ARHGAP22: variants seen among roughly 807,000 people sequenced by gnomAD.
ARHGAP22 encodes Rho GTPase activating protein 22.
In ARHGAP22, 48 loss-of-function variants were observed where a neutral mutation model predicts 59.1. The observed-to-expected ratio is 0.81, with a 90% CI of 0.64 to 1.03. The LOEUF (loss-of-function observed/expected upper bound fraction) is 1.03. Among genes scored for constraint, ARHGAP22 ranks in the 50% least tolerant of loss-of-function variants. The probability of loss-of-function intolerance (pLI) is 0.00; values close to 1 mark genes in which losing one functional copy is unlikely to be tolerated. For missense variants in ARHGAP22, 1,015 were observed against 958.7 expected, an observed-to-expected ratio of 1.06 and a Z score of -0.78; for synonymous variants, 445 against 416.4, an observed-to-expected ratio of 1.07 and a Z score of -0.84.
intron 1 of ARHGAP22, among the ~76,000 whole-genome samples, chr10:48,652,078 T>C (rs2062590885): frequency 2.0e-5 from 3 of 152,130 alleles, no homozygotes; most frequent in African/African-American, 7.2e-5. Flanking sequence ...CCATCAGCCA[T>C]TTCCAGGAGC....
intron 3 of ARHGAP22, among the ~76,000 whole-genome samples, chr10:48,494,368 T>G (rs1335148634): frequency 1.3e-5 from 2 of 152,044 alleles, no homozygotes; most frequent in African/African-American, 4.8e-5. Flanking sequence ...TGGTCTCCTC[T>G]CCTCCAGCAG....
the ARHGAP22 span, chr10:48,435,779 A>G: frequency 3.9e-5 from 6 of 152,246 alleles, no homozygotes; most frequent in African/African-American, 1.2e-4. Context: ...GGTGTATTCT[A>G]CAAATTTGTG....
At chr10:48,641,811 G>C (rs1728754667) in intron 1 of ARHGAP22, among the ~76,000 whole-genome samples, 2 of 152,196 alleles carry the variant, frequency 1.3e-5, no homozygotes, top group South Asian at 2.1e-4. Context: ...AATTGTCCCT[G>C]TTTGCAGATG....
At chr10:48,629,590 C>T (rs1025396572) in intron 1 of ARHGAP22, among the ~76,000 whole-genome samples, 1 of 152,186 alleles carries the variant, frequency 6.6e-6, no homozygotes, top group Non-Finnish European at 1.5e-5. Context: ...TCATTTTGCT[C>T]ATATCACCAT....
the ARHGAP22 span, chr10:48,430,400 T>G: frequency 6.6e-6 from 1 of 152,296 alleles, no homozygotes; most frequent in South Asian, 2.1e-4. Flanking sequence ...GGCCGAAGGT[T>G]CTTCTTAAGT....
intron 1 of ARHGAP22, among the ~76,000 whole-genome samples, chr10:48,619,628 G>A (rs2061213254): frequency 6.6e-6 from 1 of 152,102 alleles, no homozygotes; most frequent in South Asian, 2.1e-4. Context: ...GGGGGACACT[G>A]GATATCTATG....
chr10:48,547,237 T>C (rs1205529255), intron 3 of ARHGAP22, among the ~76,000 whole-genome samples: 1 of 152,212 alleles, frequency 6.6e-6, no homozygotes, highest in Admixed American at 6.5e-5. Context: ...CATCCGCGTG[T>C]GGTGTGTCTG....
chr10:48,606,061 G>A (rs1032825489), upstream of ARHGAP22, among the ~76,000 whole-genome samples: 3 of 152,116 alleles, frequency 2.0e-5, no homozygotes, highest in African/African-American at 4.8e-5. Flanking sequence ...ATCCTCTTAG[G>A]CATCTGAGCT....
intron 3 of ARHGAP22, among the ~76,000 whole-genome samples, chr10:48,512,644 C>T (rs1415868423): frequency 2.0e-5 from 3 of 152,192 alleles, no homozygotes; most frequent in Non-Finnish European, 4.4e-5. Flanking sequence ...TTAACACAAC[C>T]TAGTGAGACA....
rs986311233 is a variant in ARHGAP22 at position 48,446,141 on chromosome 10, G to A, written c.*250C>T. 13 of 538,872 alleles carry A rather than the reference G, an allele frequency of 2.4e-5. No individual in the cohort carries two copies. The highest frequency in any genetic ancestry group is 1.7e-4 in the Admixed American group (5 of 29,144). 33.4% of individuals were successfully genotyped at this position (538,872 alleles called of 1,614,324 possible). ...CCATGAAGGATATTTCCTGGGTAAG[G>A]GCTAAGCGCTACTCTTGGTACCGTC... On this transcript the variant is annotated 3_prime_UTR_variant, in exon 10 of 10. Coordinates refer to ENST00000249601, the MANE Select transcript of ARHGAP22 (RefSeq NM_021226.4).
At chr10:48,562,173 C>T (rs557623817) in intron 2 of ARHGAP22, among the ~76,000 whole-genome samples, 1 of 151,280 alleles carries the variant, frequency 6.6e-6, no homozygotes, top group African/African-American at 2.4e-5. Context: ...TTGCAGTGAG[C>T]TGAGATCGAG....
chr10:48,652,894 C>T (rs980687250), upstream of ARHGAP22, among the ~76,000 whole-genome samples: 4 of 152,224 alleles, frequency 2.6e-5, no homozygotes, highest in Non-Finnish European at 4.4e-5. Context: ...GGCACACAGG[C>T]TGCTCATGGC....
intron 3 of ARHGAP22, among the ~76,000 whole-genome samples, chr10:48,527,982 A>T (rs1178045066): frequency 1.3e-5 from 2 of 152,160 alleles, no homozygotes; most frequent in African/African-American, 4.8e-5. Context: ...ACCAGCTTTG[A>T]GGACAAAGTT....
intron 9 of ARHGAP22, among the ~76,000 whole-genome samples, chr10:48,450,024 C>T (rs1458196959): frequency 6.6e-6 from 1 of 152,256 alleles, no homozygotes; most frequent in African/African-American, 2.4e-5. Context: ...TTCCCACTTG[C>T]GTGGAGTCAG....
intron 1 of ARHGAP22, among the ~76,000 whole-genome samples, chr10:48,645,762 C>G (rs2062267713): frequency 6.6e-6 from 1 of 152,074 alleles, no homozygotes; most frequent in Non-Finnish European, 1.5e-5. Flanking sequence ...GCCACTTTCT[C>G]CACTTCTAGT....
intron 1 of ARHGAP22, chr10:48,652,198 A>G (rs756541892): frequency 4.7e-5 from 71 of 1,518,500 alleles, no homozygotes; most frequent in Non-Finnish European, 6.1e-5. Context: ...ATGCAAAGGT[A>G]ATCATTTCCC....
intron 3 of ARHGAP22, among the ~76,000 whole-genome samples, chr10:48,521,314 C>G (rs564428435): frequency 1.3e-5 from 2 of 152,204 alleles, no homozygotes; most frequent in African/African-American, 2.4e-5. Flanking sequence ...TTGCAGCCAG[C>G]AGGAGAGCAA....
intron 3 of ARHGAP22, among the ~76,000 whole-genome samples, chr10:48,481,303 C>A (rs911684143): frequency 6.6e-6 from 1 of 152,006 alleles, no homozygotes; most frequent in Non-Finnish European, 1.5e-5. Flanking sequence ...ATTTGGGCTA[C>A]GAAGGCTGGA....
intron 2 of ARHGAP22, among the ~76,000 whole-genome samples, chr10:48,577,686 C>CCCTTTTAT (rs1263121658): frequency 8.3e-6 from 1 of 120,084 alleles, no homozygotes; most frequent in Non-Finnish European, 1.7e-5. Context: ...ATAAAGGGCT[C>CCCTTTTAT]CCTTTTATTC....
Sources: gnomAD v4.1 joint callset for allele counts (sites outside exome capture counted in the v4.1 genomes callset) on GRCh38, gnomAD v4.1.1 for gene constraint, MANE v1.5 for transcripts, NCBI Gene and HGNC (gene_info 2026-07-23, HGNC 2026-07-21) for gene names.